Variants in NSFL1C observed in about 807,000 individuals in gnomAD.
NSFL1C encodes the protein NSFL1 cofactor.
Under a neutral mutation model 43.1 loss-of-function variants are expected in NSFL1C, and 14 were observed. The ratio of observed to expected loss-of-function variants is 0.32; its 90% CI spans 0.21 to 0.51. The LOEUF is 0.51. NSFL1C is among the 20% of genes least tolerant of loss of function. The probability of loss-of-function intolerance (pLI) is 0.98; values close to 1 mark genes in which losing one functional copy is unlikely to be tolerated. For missense variants in NSFL1C, 406 were observed against 472.5 expected (o/e 0.86, Z 1.30); for synonymous variants, 171 against 183.5 (o/e 0.93, Z 0.55).
intron 7 of NSFL1C, among the ~76,000 whole-genome samples, chr20:1,449,067 T>C (rs2090130804): frequency 6.6e-6 from 1 of 152,228 alleles, no homozygotes; most frequent in South Asian, 2.1e-4. Context: ...GCTATGCAGG[T>C]TGGCAGGTAA....
At chr20:1,454,709 A>C (rs554203103) in intron 4 of NSFL1C, among the ~76,000 whole-genome samples, 4 of 152,352 alleles carry the variant, frequency 2.6e-5, no homozygotes, top group African/African-American at 9.6e-5. Context: ...TAAAACACTA[A>C]GTCAGTCAAA....
chr20:1,455,118 C>A lies in NSFL1C; in HGVS notation c.293G>T (p.Gly98Val). ...AATCTGCTGTCCACTTCTCTCTGAG[C>A]CCCCAGCATAAAACCTGTGTACAAA... Reference protein sequence around the residue: ...EEEGQRFYAGGSERSGQQIVG... With the variant: ...EEEGQRFYAGVSERSGQQIVG... The change falls in exon 4 of 9, where the codon GGC (glycine) becomes GTC (valine). Residue 98 changes from glycine (G) to valine (V), a missense_variant. Physicochemically the swap from Gly to Val is moderately radical, Grantham distance 109 (BLOSUM62 -3). Transcript: ENST00000216879. 1 of 1,614,184 alleles carries A rather than the reference C, an allele frequency of 6.2e-7. No individual in the cohort carries two copies. The highest frequency in any genetic ancestry group is 8.5e-7 in the Non-Finnish European group (1 of 1,180,008).
chr20:1,466,117 T>A (rs2090505427), intron 1 of NSFL1C, among the ~76,000 whole-genome samples: 1 of 152,234 alleles, frequency 6.6e-6, no homozygotes, highest in Non-Finnish European at 1.5e-5. Flanking sequence ...CCCTGCCTCG[T>A]GAAGCTTAAG....
chr20:1,447,922 C>T (rs6131519), intron 7 of NSFL1C, among the ~76,000 whole-genome samples: 54,504 of 152,068 alleles, frequency 0.36, 10,976 homozygotes, highest in East Asian at 0.72. Context: ...CACACACACA[C>T]GCTATGGATC....
At position 1,443,734 on chromosome 20, in the gene NSFL1C, C is replaced by G. The variant is rs1277519659; in HGVS notation, c.*15G>C. ...TGGGAAACACAGGAGGGAGGCCAGGCAGCTGGCTGGGCGGTTATGTTAACC... is the reference window on the plus strand; with the variant it reads ...TGGGAAACACAGGAGGGAGGCCAGGGAGCTGGCTGGGCGGTTATGTTAACC... On this transcript the variant is annotated 3_prime_UTR_variant, in exon 9 of 9. Coordinates refer to ENST00000216879, the MANE Select transcript of NSFL1C (RefSeq NM_016143.5). 1 of 1,612,324 alleles carries G rather than the reference C, an allele frequency of 6.2e-7. No individual in the cohort carries two copies. The highest frequency in any genetic ancestry group is 1.3e-5 in the African/African-American group (1 of 74,910).
chr20:1,464,887 G>A (rs915908493), intron 1 of NSFL1C, among the ~76,000 whole-genome samples: 22 of 152,242 alleles, frequency 1.4e-4, no homozygotes, highest in Non-Finnish European at 1.3e-4. Flanking sequence ...GTAAAGAGAG[G>A]AGCCAGGTTC....
rs2090046561 is a variant in NSFL1C, at chr20:1,445,795, G to A, written c.821C>T (p.Ala274Val). The change falls in exon 8 of 9, where the codon GCC (alanine) becomes GTC (valine). Residue 274 changes from alanine (A) to valine (V), a missense_variant. Physicochemically the swap from Ala to Val is moderately conservative, Grantham distance 64. This residue lies in a region of NSFL1C where 196 missense variants were observed against 228.0 expected (regional missense o/e 0.86). Transcript: ENST00000216879. ...TTTGGCTTCATTTTCTGCCTGTTGG[G>A]CTGGAGAGCTGGTACTCAACACCTG... ...APQVLSTSSP[A>V]QQAENEAKAS... 1.1e-5 allele frequency: 18 copies of A among 1,613,936 alleles called. No individual in the cohort carries two copies. In the East Asian group the frequency reaches 4.0e-4, roughly 36 times the overall value.
intron 7 of NSFL1C, among the ~76,000 whole-genome samples, chr20:1,451,401 G>C (rs1568618070): frequency 6.6e-6 from 1 of 152,214 alleles, no homozygotes; most frequent in Non-Finnish European, 1.5e-5. Context: ...AGCAAGGGCA[G>C]TAGCTACTTT....
chr20:1,462,369 T>G (rs1402243915), intron 2 of NSFL1C, among the ~76,000 whole-genome samples: 1 of 152,178 alleles, frequency 6.6e-6, no homozygotes, highest in African/African-American at 2.4e-5. Context: ...CCTCCCTCCC[T>G]TTTTCTTGTC....
intron 5 of NSFL1C, 120 bp downstream of exon 5, chr20:1,454,093 C>T (rs1291420395): frequency 5.3e-6 from 4 of 757,186 alleles, no homozygotes; most frequent in Non-Finnish European, 9.0e-6. Context: ...AGCAAGGGCA[C>T]TGTCTCTGTT....
Position 1,443,375 on chromosome 20 carries a change from GT to G in NSFL1C, c.*373del, listed in dbSNP as rs1412092147. The G allele has an allele frequency of 1.2e-4, 21 of 175,600 alleles. No homozygotes were observed. The East Asian group carries it at 3.1e-3, about 26-fold the overall frequency. 10.9% of individuals were successfully genotyped at this position (175,600 alleles called of 1,614,324 possible). A position where few individuals can be genotyped will look rare whatever the true frequency, so the allele number is the denominator to read the frequency against. On this transcript the variant is annotated 3_prime_UTR_variant, in exon 9 of 9. Transcript: ENST00000216879. Reference sequence around the variant, plus strand: ...GGACACACTAGTGAATAAGCATTGTGTGCCACAAGTTTTTATGCAGAGAAGA... The same window carrying G: ...GGACACACTAGTGAATAAGCATTGTGGCCACAAGTTTTTATGCAGAGAAGA...
chr20:1,443,660 G>T lies in NSFL1C; in HGVS notation c.*89C>A. On this transcript the variant is annotated 3_prime_UTR_variant, in exon 9 of 9. Coordinates refer to ENST00000216879, the MANE Select transcript of NSFL1C (RefSeq NM_016143.5). ...GACGTTGCACTGGACTGCTGGGTGT[G>T]CACAAGGGGGCAGGAGGGGCGATCC... The T allele has an allele frequency of 7.0e-7, 1 of 1,421,500 alleles. No homozygotes were observed. 88.1% of individuals were successfully genotyped at this position (1,421,500 alleles called of 1,614,324 possible). A position where few individuals can be genotyped will look rare whatever the true frequency, so the allele number is the denominator to read the frequency against.
intron 2 of NSFL1C, 25 bp downstream of exon 2, chr20:1,464,304 A>C: frequency 6.3e-7 from 1 of 1,596,042 alleles, no homozygotes; most frequent in Non-Finnish European, 8.6e-7. Flanking sequence ...ACACTCATGT[A>C]GCGATAATTG....
intron 3 of NSFL1C, chr20:1,456,083 A>G (rs2090294319): frequency 4.2e-6 from 1 of 236,086 alleles, no homozygotes; most frequent in Non-Finnish European, 8.5e-6. Context: ...TCCCCAAGCA[A>G]GAAAAATTGA....
intron 7 of NSFL1C, among the ~76,000 whole-genome samples, chr20:1,448,537 T>C (rs538011344): frequency 6.6e-6 from 1 of 152,360 alleles, no homozygotes; most frequent in African/African-American, 2.4e-5. Flanking sequence ...GAGGAAAGCC[T>C]GATGCCTGGA....
At chr20:1,445,967 G>C in intron 7 of NSFL1C, 137 bp from the exon 8 acceptor site, 1 of 942,272 alleles carries the variant, frequency 1.1e-6, no homozygotes, top group Non-Finnish European at 1.6e-6. Context: ...GACCCAGACA[G>C]GGAAAATCGT....
chr20:1,446,981 C>T (rs1348706589), intron 7 of NSFL1C, among the ~76,000 whole-genome samples: 1 of 152,240 alleles, frequency 6.6e-6, no homozygotes. Flanking sequence ...ATTACACTAG[C>T]AGCTTCAGAG....
At chr20:1,463,517 T>C (rs372582377) in intron 2 of NSFL1C, 1 of 152,334 alleles carries the variant, frequency 6.6e-6, no homozygotes, top group East Asian at 1.9e-4. Context: ...AGGAAATATA[T>C]TTTAAACCTC....
At chr20:1,448,759 G>C (rs2090124097) in intron 7 of NSFL1C, among the ~76,000 whole-genome samples, 1 of 152,190 alleles carries the variant, frequency 6.6e-6, no homozygotes, top group Admixed American at 6.5e-5. Context: ...TGAAGAAACT[G>C]AGGCACAGCA....
Sources: allele counts gnomAD v4.1 joint callset (sites outside exome capture counted in the v4.1 genomes callset), GRCh38; gene constraint gnomAD v4.1.1; regional missense constraint gnomAD v4.1.1; transcripts MANE v1.5; gene names NCBI Gene and HGNC (gene_info 2026-07-23, HGNC 2026-07-21).